The following CTDP1 variants were observed in gnomAD, a reference collection of about 807,000 sequenced individuals.
CTDP1 encodes RNA polymerase II subunit A C-terminal domain phosphatase.
CTDP1 carries 47 observed loss-of-function variants against 91.8 expected under a neutral mutation model. That is an observed-to-expected ratio of 0.51 (90% confidence interval 0.41 to 0.65). CTDP1 has a LOEUF of 0.65. Among genes scored for constraint, CTDP1 ranks in the 30% least tolerant of loss-of-function variants. CTDP1 has a pLI of 0.00. For missense variants in CTDP1, 1,272 were observed against 1,373.7 expected, an observed-to-expected ratio of 0.93 and a Z score of 1.17; for synonymous variants, 656 against 598.5, an observed-to-expected ratio of 1.10 and a Z score of -1.40.
intron 12 of CTDP1, among the ~76,000 whole-genome samples, chr18:79,748,818 TCTGCCTGGGAGCCGTGA>T (rs565639027): frequency 7.9e-5 from 12 of 151,900 alleles, no homozygotes; most frequent in East Asian, 1.9e-4. Context: ...GGGAGCCGTG[TCTGCCTGGGAGCCGTGA>T]CTGCACATGA....
At chr18:79,701,712 G>A (rs1405612339) in intron 4 of CTDP1, among the ~76,000 whole-genome samples, 1 of 152,162 alleles carries the variant, frequency 6.6e-6, no homozygotes, top group Admixed American at 6.5e-5. Flanking sequence ...TGATTCATGG[G>A]AAGAGGTCAG....
At chr18:79,687,979 G>T (rs893700301) in intron 1 of CTDP1, among the ~76,000 whole-genome samples, 2 of 152,342 alleles carry the variant, frequency 1.3e-5, no homozygotes, top group East Asian at 3.9e-4. Context: ...AAGCTTTCCA[G>T]CCACGGCTCT....
At chr18:79,717,026 G>A (rs925298754) in intron 8 of CTDP1, among the ~76,000 whole-genome samples, 9 of 150,594 alleles carry the variant, frequency 6.0e-5, no homozygotes, top group Non-Finnish European at 1.3e-4. Flanking sequence ...CCCTAGTGGG[G>A]TACAGCTGGG....
chr18:79,710,164 A>T (rs550296660), intron 5 of CTDP1, among the ~76,000 whole-genome samples, 182 bp from the exon 6 acceptor site: 27 of 152,264 alleles, frequency 1.8e-4, no homozygotes, highest in African/African-American at 6.0e-4. Context: ...AAATAAGTTC[A>T]CCATAAGAGA....
intron 1 of CTDP1, among the ~76,000 whole-genome samples, chr18:79,689,478 T>A (rs1218704772): frequency 6.6e-6 from 1 of 150,588 alleles, no homozygotes. Flanking sequence ...ACTTTTTGGT[T>A]GACTTTCTGC....
At chr18:79,689,651 C>A (rs917676666) in intron 1 of CTDP1, among the ~76,000 whole-genome samples, 1 of 152,064 alleles carries the variant, frequency 6.6e-6, no homozygotes, top group Non-Finnish European at 1.5e-5. Flanking sequence ...CGTGATGGTG[C>A]GCACCTGCAG....
rs567560213 is a variant in CTDP1 at position 79,718,106 on chromosome 18, G to A, written c.2417+90G>A. 4.0e-4 allele frequency: 584 copies of A among 1,471,068 alleles called. 2 individuals carry two copies. The highest frequency in any genetic ancestry group is 2.4e-3 in the Middle Eastern group (14 of 5,880). 91.1% of individuals were successfully genotyped at this position (1,471,068 alleles called of 1,614,324 possible). On this transcript the variant is annotated intron_variant, in intron 10 of 12. Transcript: ENST00000613122. ...GTTGGGGGGATGGCGTCAGTTGCCC[G>A]AAGTGAGGGCGGGTGGAGGCTGCAG...
intron 12 of CTDP1, among the ~76,000 whole-genome samples, chr18:79,749,531 C>G (rs2086952431): frequency 7.9e-6 from 1 of 126,424 alleles, no homozygotes; most frequent in East Asian, 2.4e-4. Context: ...CAGGCCCGCC[C>G]CCTCCTGGAC....
chr18:79,708,351 G>C (rs909144653), intron 5 of CTDP1, among the ~76,000 whole-genome samples: 2 of 152,254 alleles, frequency 1.3e-5, no homozygotes, highest in African/African-American at 4.8e-5. Context: ...TGTGATCTCA[G>C]AGGTGGTGGT....
At position 79,754,358 on chromosome 18, in the gene CTDP1, C is replaced by T. The variant is rs2087064079; in HGVS notation, c.*568C>T. On this transcript the variant is annotated 3_prime_UTR_variant, in exon 13 of 13. Transcript: ENST00000613122. ...GTGGCCTGGGCTGCCATCCTGCCGTCCTCCCACTGGCATCCTGGCAAGGGG... is the reference window on the plus strand; with the variant it reads ...GTGGCCTGGGCTGCCATCCTGCCGTTCTCCCACTGGCATCCTGGCAAGGGG... 6.4e-6 allele frequency: 1 copy of T among 155,960 alleles called. No individual in the cohort carries two copies. Among genetic ancestry groups the T allele is most frequent in the Non-Finnish European group, 1.4e-5 (1 of 70,068 alleles). The allele number at this position is 155,960 out of a possible 1,614,324, so 9.7% of individuals were successfully genotyped here. A position where few individuals can be genotyped will look rare whatever the true frequency, so the allele number is the denominator to read the frequency against.
chr18:79,712,856 A>C (rs2086111144), intron 6 of CTDP1, 116 bp from the exon 7 acceptor site: 2 of 1,140,014 alleles, frequency 1.8e-6, no homozygotes, highest in African/African-American at 3.1e-5. Context: ...CCGTCTGATT[A>C]ACCTGCTGTC....
intron 11 of CTDP1, 127 bp from the exon 12 acceptor site, chr18:79,736,228 A>C: frequency 1.6e-6 from 2 of 1,237,824 alleles, no homozygotes; most frequent in African/African-American, 1.5e-5. Context: ...CTCAGGTAGA[A>C]AGCAGAGTGC....
At position 79,680,046 on chromosome 18, in the gene CTDP1, G is replaced by A; in HGVS notation, c.99G>A (p.Leu33=). ...CGGGGCCCGCGCCGCTGCGCCTGCT[G>A]GAGTGGAGGGTGGCGGCGGGCGCGG... is the stretch of plus-strand genomic sequence containing the variant. ...RCPGPAPLRL[L]EWRVAAGAAV... is the part of the protein sequence containing the mutation. Residue 33 remains leucine, a synonymous_variant, in exon 1 of 13, where the codon CTG becomes CTA. Transcript: ENST00000613122. 1 of 1,257,222 alleles carries A rather than the reference G, an allele frequency of 8.0e-7. No homozygotes were observed. Among genetic ancestry groups the A allele is most frequent in the Non-Finnish European group, 9.9e-7 (1 of 1,005,456 alleles). The allele number at this position is 1,257,222 out of a possible 1,614,324, so 77.9% of individuals were successfully genotyped here. A position where few individuals can be genotyped will look rare whatever the true frequency, so the allele number is the denominator to read the frequency against.
rs1405690933 is a variant in CTDP1, at chr18:79,679,930, G to T, written c.-18G>T. ...AGCGCAGGCCCCGTACCGACCGCCC[G>T]CCCGCCCTCTGTCCGCGATGGAGGT... On this transcript the variant is annotated 5_prime_UTR_variant, in exon 1 of 13. Transcript: ENST00000613122. 5.8e-6 allele frequency: 8 copies of T among 1,374,922 alleles called. No homozygotes were observed. The highest frequency in any genetic ancestry group is 6.6e-6 in the Non-Finnish European group (7 of 1,059,684). 85.2% of individuals were successfully genotyped at this position (1,374,922 alleles called of 1,614,324 possible). A position where few individuals can be genotyped will look rare whatever the true frequency, so the allele number is the denominator to read the frequency against.
At chr18:79,692,932 G>A (rs2085654685) in intron 1 of CTDP1, among the ~76,000 whole-genome samples, 1 of 152,376 alleles carries the variant, frequency 6.6e-6, no homozygotes, top group South Asian at 2.1e-4. Context: ...AGGACTGGGG[G>A]AGCAGTGCCC....
intron 11 of CTDP1, among the ~76,000 whole-genome samples, chr18:79,731,661 G>A (rs780021691): frequency 9.8e-5 from 15 of 152,352 alleles, no homozygotes; most frequent in Non-Finnish European, 2.1e-4. Context: ...GCAGAGCGAG[G>A]CATGGCGTCA....
intron 5 of CTDP1, among the ~76,000 whole-genome samples, chr18:79,708,090 C>T (rs1466212139): frequency 6.6e-6 from 1 of 152,148 alleles, no homozygotes; most frequent in Non-Finnish European, 1.5e-5. Context: ...TAATGAAATA[C>T]TAACAAACCA....
intron 8 of CTDP1, among the ~76,000 whole-genome samples, chr18:79,716,748 C>T (rs918781509): frequency 2.6e-4 from 39 of 152,388 alleles, no homozygotes; most frequent in East Asian, 1.9e-4. Context: ...CTCTCGCATT[C>T]CTTCCTTCCC....
At chr18:79,688,022 G>T (rs1326792522) in intron 1 of CTDP1, among the ~76,000 whole-genome samples, 2 of 152,230 alleles carry the variant, frequency 1.3e-5, no homozygotes, top group African/African-American at 4.8e-5. Context: ...ATCAGGCTGG[G>T]CTGCCCTTGT....
Sources: allele counts gnomAD v4.1 joint callset (sites outside exome capture counted in the v4.1 genomes callset), GRCh38; gene constraint gnomAD v4.1.1; transcripts MANE v1.5; gene names NCBI Gene and HGNC (gene_info 2026-07-23, HGNC 2026-07-21).